PDE10A: variants seen among roughly 807,000 people sequenced by gnomAD.
The protein encoded by PDE10A is cAMP and cAMP-inhibited cGMP 3',5'-cyclic phosphodiesterase 10A.
PDE10A carries 39 observed loss-of-function variants against 97.7 expected under a neutral mutation model. That is an observed-to-expected ratio of 0.40 (90% CI 0.31 to 0.52). PDE10A has a LOEUF of 0.52. Among genes scored for constraint, PDE10A ranks in the 20% least tolerant of loss-of-function variants. The pLI is 0.56. For synonymous variants in PDE10A, 371 were observed against 376.8 expected (o/e 0.98, Z 0.18); for missense variants, 731 against 1,047.8 (o/e 0.70, Z 4.17).
chr6:165,841,629 G>A (rs931714458), intron 1 of PDE10A, among the ~76,000 whole-genome samples: 8 of 152,224 alleles, frequency 5.3e-5, no homozygotes, highest in African/African-American at 9.6e-5. Context: ...ACCTTAAGTC[G>A]TCACTGTGGT....
chr6:165,464,486 C>A (rs1778519384), intron 3 of PDE10A, among the ~76,000 whole-genome samples: 1 of 152,170 alleles, frequency 6.6e-6, no homozygotes, highest in African/African-American at 2.4e-5. Flanking sequence ...CATACCACTT[C>A]AAATAGTAAA....
At chr6:165,676,868 T>C (rs946202294) in intron 1 of PDE10A, among the ~76,000 whole-genome samples, 1 of 151,954 alleles carries the variant, frequency 6.6e-6, no homozygotes, top group African/African-American at 2.4e-5. Context: ...ACTGCAGGAG[T>C]GCATGGACTG....
intron 1 of PDE10A, among the ~76,000 whole-genome samples, chr6:165,766,263 G>A (rs1209250892): frequency 6.6e-6 from 1 of 152,184 alleles, no homozygotes; most frequent in Non-Finnish European, 1.5e-5. Context: ...TAGGGCATTT[G>A]CTCACATTTA....
At chr6:165,845,492 G>A (rs1780389279) in intron 1 of PDE10A, among the ~76,000 whole-genome samples, 1 of 152,122 alleles carries the variant, frequency 6.6e-6, no homozygotes, top group Non-Finnish European at 1.5e-5. Flanking sequence ...GGGAAAAGAA[G>A]GTAAAATTTG....
intron 3 of PDE10A, among the ~76,000 whole-genome samples, chr6:165,460,590 C>A (rs541355253): frequency 1.3e-5 from 2 of 152,156 alleles, no homozygotes; most frequent in African/African-American, 4.8e-5. Context: ...CAGCACTGGC[C>A]GTCCGATTGG....
intron 1 of PDE10A, among the ~76,000 whole-genome samples, chr6:165,816,447 G>GC (rs1412860374): frequency 6.6e-6 from 1 of 152,206 alleles, no homozygotes; most frequent in Non-Finnish European, 1.5e-5. Flanking sequence ...TGAGAGAAAG[G>GC]CCACGGAGCA....
intron 2 of PDE10A, among the ~76,000 whole-genome samples, chr6:165,482,569 T>A (rs1344836989): frequency 3.3e-5 from 5 of 152,214 alleles, no homozygotes; most frequent in African/African-American, 1.2e-4. Flanking sequence ...CACCACCGCC[T>A]TACCTTTCTA....
At chr6:165,906,737 G>C (rs1479239808) in intron 1 of PDE10A, among the ~76,000 whole-genome samples, 2 of 152,206 alleles carry the variant, frequency 1.3e-5, no homozygotes, top group African/African-American at 2.4e-5. Context: ...TTAGGGAAGA[G>C]AACACTTAAA....
chr6:165,422,462 G>A (rs9689567), intron 10 of PDE10A, among the ~76,000 whole-genome samples: 1 of 117,880 alleles, frequency 8.5e-6, no homozygotes, highest in Admixed American at 7.7e-5. Context: ...TACACACACA[G>A]GCATACACAC....
intron 1 of PDE10A, among the ~76,000 whole-genome samples, chr6:165,953,983 T>C (rs111558761): frequency 5.4e-4 from 83 of 152,346 alleles, no homozygotes; most frequent in African/African-American, 1.9e-3. Context: ...TTTCATCTTT[T>C]CCAGAAACCA....
chr6:165,834,911 C>T (rs952176212), intron 1 of PDE10A, among the ~76,000 whole-genome samples: 3 of 152,226 alleles, frequency 2.0e-5, no homozygotes. Context: ...TAGCTTCCTT[C>T]GGCTCAGTGC....
chr6:165,868,747 G>A (rs1038923729), intron 1 of PDE10A, among the ~76,000 whole-genome samples: 1 of 152,014 alleles, frequency 6.6e-6, no homozygotes, highest in African/African-American at 2.4e-5. Context: ...TATCCTTGAT[G>A]AACATAGATG....
intron 1 of PDE10A, among the ~76,000 whole-genome samples, chr6:165,913,717 C>G (rs1782530151): frequency 1.3e-5 from 2 of 152,254 alleles, no homozygotes; most frequent in African/African-American, 4.8e-5. Context: ...AAAGGAGACT[C>G]TCATGATTCT....
At chr6:165,668,534 A>G (rs1390346743) in intron 1 of PDE10A, among the ~76,000 whole-genome samples, 1 of 151,912 alleles carries the variant, frequency 6.6e-6, no homozygotes, top group Non-Finnish European at 1.5e-5. Flanking sequence ...CTTGGCATGT[A>G]TACAAGGGGT....
chr6:165,460,689 C>T (rs1008125106), intron 3 of PDE10A, among the ~76,000 whole-genome samples: 1 of 151,984 alleles, frequency 6.6e-6, no homozygotes, highest in African/African-American at 2.4e-5. Context: ...AGTGAAGGGC[C>T]CGATGGACAA....
At chr6:165,759,067 G>A (rs1422267810) in intron 1 of PDE10A, among the ~76,000 whole-genome samples, 4 of 152,112 alleles carry the variant, frequency 2.6e-5, no homozygotes, top group Non-Finnish European at 4.4e-5. Context: ...TCCCACAGCC[G>A]GGAAGCAGTC....
chr6:165,610,438 G>A (rs1455048152), intron 1 of PDE10A, among the ~76,000 whole-genome samples: 1 of 151,904 alleles, frequency 6.6e-6, no homozygotes, highest in Non-Finnish European at 1.5e-5. Flanking sequence ...GGCTGAGGCA[G>A]GAGAATAGCG....
At chr6:165,650,613 C>T (rs1789634854) in intron 1 of PDE10A, among the ~76,000 whole-genome samples, 2 of 152,174 alleles carry the variant, frequency 1.3e-5, no homozygotes, top group Non-Finnish European at 2.9e-5. Context: ...AGCGCCCACT[C>T]GTAGACAGGC....
intron 3 of PDE10A, among the ~76,000 whole-genome samples, chr6:165,472,389 A>T (rs967444064): frequency 2.0e-5 from 3 of 152,086 alleles, no homozygotes; most frequent in African/African-American, 7.2e-5. Context: ...GCCAAAGACA[A>T]TCTATTTTAT....
Sources: gnomAD v4.1 joint callset for allele counts (sites outside exome capture counted in the v4.1 genomes callset) on GRCh38, gnomAD v4.1.1 for gene constraint, MANE v1.5 for transcripts, NCBI Gene and HGNC (gene_info 2026-07-23, HGNC 2026-07-21) for gene names.